LAMC2: variants seen among roughly 807,000 people sequenced by gnomAD.
LAMC2 encodes the protein laminin subunit gamma 2.
Under a neutral mutation model 140.2 loss-of-function variants are expected in LAMC2, and 97 were observed. The ratio of observed to expected loss-of-function variants is 0.69; its 90% CI spans 0.59 to 0.82. The LOEUF (loss-of-function observed/expected upper bound fraction) is 0.82. Among genes scored for constraint, LAMC2 ranks in the 40% least tolerant of loss-of-function variants. The pLI, the probability that LAMC2 is intolerant of heterozygous loss-of-function variation, is 0.00. For synonymous variants in LAMC2, 513 were observed against 540.2 expected, an observed-to-expected ratio of 0.95 and a Z score of 0.70; for missense variants, 1,402 against 1,476.1, an observed-to-expected ratio of 0.95 and a Z score of 0.82.
the LAMC2 span, among the ~76,000 whole-genome samples, chr1:183,255,156 C>A: frequency 8.5e-5 from 13 of 152,146 alleles, no homozygotes; most frequent in Non-Finnish European, 1.8e-4. Flanking sequence ...TTTCCAGCAC[C>A]ATCTATTGAA....
chr1:183,203,298 G>A (rs1297811342), intron 1 of LAMC2, among the ~76,000 whole-genome samples: 2 of 152,160 alleles, frequency 1.3e-5, no homozygotes, highest in Non-Finnish European at 2.9e-5. Context: ...ACCACTTCCT[G>A]TTGCCTTACT....
intron 2 of LAMC2, among the ~76,000 whole-genome samples, chr1:183,208,740 T>C (rs1298612385): frequency 6.6e-6 from 1 of 152,126 alleles, no homozygotes; most frequent in African/African-American, 2.4e-5. Flanking sequence ...AGTGCAGTGG[T>C]GCCATCTCGG....
chr1:183,232,991 T>C, intron 14 of LAMC2, 134 bp downstream of exon 14: 1 of 833,008 alleles, frequency 1.2e-6, no homozygotes, highest in Admixed American at 2.0e-5. Context: ...TTGTTGGACT[T>C]CTTTTCCTTG....
At chr1:183,198,308 A>T (rs1327305221) in intron 1 of LAMC2, among the ~76,000 whole-genome samples, 1 of 151,580 alleles carries the variant, frequency 6.6e-6, no homozygotes, top group Non-Finnish European at 1.5e-5. Flanking sequence ...CACCCGGCTA[A>T]TTTTTTTGTG....
At chr1:183,250,701 C>A in the LAMC2 span, 1 of 152,558 alleles carries the variant, frequency 6.6e-6, no homozygotes, top group Non-Finnish European at 1.5e-5. Context: ...ATTTCATGAT[C>A]CCTAGTCAAA....
intron 1 of LAMC2, among the ~76,000 whole-genome samples, chr1:183,207,360 CAT>C (rs1658916834): frequency 6.6e-6 from 1 of 150,532 alleles, no homozygotes; most frequent in Admixed American, 6.7e-5. Flanking sequence ...TGGGAGGAGA[CAT>C]GTGCCCAGAC....
Position 183,195,801 on chromosome 1 carries a change from C to T in LAMC2, c.79+9370C>T, listed in dbSNP as rs549499663. Reference sequence around the variant, plus strand: ...ACACATTAAACAATGAAGTTCAAGGCCAGTTTAAATGATGAAGGATTCAGA... The same window carrying T: ...ACACATTAAACAATGAAGTTCAAGGTCAGTTTAAATGATGAAGGATTCAGA... On this transcript the variant is annotated intron_variant, in intron 1 of 22. Coordinates refer to ENST00000264144, the MANE Select transcript of LAMC2 (RefSeq NM_005562.3). 3.9e-5 allele frequency among the ~76,000 whole-genome samples: 3 copies of T among 77,134 alleles called. No individual in the cohort carries two copies. In the East Asian group the frequency reaches 1.8e-3, roughly 46 times the overall value. The allele number at this position is 77,134 out of a possible 152,430, so 50.6% of individuals were successfully genotyped here. A position where few individuals can be genotyped will look rare whatever the true frequency, so the allele number is the denominator to read the frequency against.
chr1:183,235,488 C>G (rs1188655543), intron 15 of LAMC2, 87 bp from the exon 16 acceptor site: 1 of 1,444,264 alleles, frequency 6.9e-7, no homozygotes, highest in Admixed American at 1.8e-5. Context: ...GACCAGCTCC[C>G]GTACTCTTTG....
intron 2 of LAMC2, among the ~76,000 whole-genome samples, chr1:183,214,012 AG>A (rs777338435): frequency 6.6e-6 from 1 of 151,162 alleles, no homozygotes; most frequent in Non-Finnish European, 1.5e-5. Flanking sequence ...TTGCTGACCT[AG>A]GCAACAGGAG....
In LAMC2 at chr1:183,228,297, T is replaced by G. The variant is rs1659692051; in HGVS notation, c.1469-77T>G. 6.3e-7 allele frequency: 1 copy of G among 1,593,850 alleles called. No individual in the cohort carries two copies. Among genetic ancestry groups the G allele is most frequent in the Non-Finnish European group, 8.6e-7 (1 of 1,162,570 alleles). ...TTCTCTGGCTCTTCTAGAGGGTGAC[T>G]CGCAACTTTAGGCCTCTGCGTCTGG... On this transcript the variant is annotated intron_variant, in intron 10 of 22. Transcript: ENST00000264144. The surrounding 1 kb of genome is among the most constrained non-coding windows in gnomAD (Gnocchi z 4.3).
At chr1:183,258,215 C>T in the LAMC2 span, among the ~76,000 whole-genome samples, 1 of 152,280 alleles carries the variant, frequency 6.6e-6, no homozygotes, top group Admixed American at 6.5e-5. Context: ...CTGTTCTCTC[C>T]TAACACAATA....
At position 183,243,169 on chromosome 1, in the gene LAMC2, A is replaced by G; in HGVS notation, c.3351A>G (p.Glu1117=). 6.4e-7 allele frequency: 1 copy of G among 1,559,652 alleles called. No homozygotes were observed. The highest frequency in any genetic ancestry group is 1.2e-5 in the South Asian group (1 of 85,968). Reference sequence around the variant, plus strand: ...TAGACCAGCCTCTCAGTGTAGATGAAGAGGGGCTGGTCTTACTGGAGCAGA... The same window carrying G: ...TAGACCAGCCTCTCAGTGTAGATGAGGAGGGGCTGGTCTTACTGGAGCAGA... The part of the protein sequence containing the change: ...HLMDQPLSVD[E]EGLVLLEQKL... The change falls in exon 23 of 23, where the codon GAA becomes GAG. Residue 1117 remains glutamate, a synonymous_variant. Coordinates refer to ENST00000264144, the MANE Select transcript of LAMC2 (RefSeq NM_005562.3).
chr1:183,218,337 A>C (rs1659343750), intron 3 of LAMC2, 53 bp from the exon 4 acceptor site: 1 of 1,366,882 alleles, frequency 7.3e-7, no homozygotes, highest in Non-Finnish European at 1.0e-6. Context: ...TTATGTGCAT[A>C]GTTGTGAAGC....
At chr1:183,254,248 G>T in the LAMC2 span, among the ~76,000 whole-genome samples, 2 of 152,114 alleles carry the variant, frequency 1.3e-5, no homozygotes. Flanking sequence ...ATCGACATTT[G>T]TTATCTCTTA....
chr1:183,245,283 A>G (rs1245044908), downstream of LAMC2, among the ~76,000 whole-genome samples: 1 of 152,230 alleles, frequency 6.6e-6, no homozygotes, highest in Non-Finnish European at 1.5e-5. Flanking sequence ...TTGGTCATCT[A>G]CGCAAGCGGC....
At position 183,227,691 on chromosome 1, in the gene LAMC2, G is replaced by T. The variant is rs1227294729; in HGVS notation, c.1462G>T (p.Val488Phe). 6.2e-7 allele frequency: 1 copy of T among 1,614,164 alleles called. No homozygotes were observed. Among genetic ancestry groups the T allele is most frequent in the Non-Finnish European group, 8.5e-7 (1 of 1,180,026 alleles). ...EVVCNNCPPG[V>F]TGARCELCAD... ...GGTGTGCAATAACTGCCCTCCCGGGGTCACCGGTAAGGCCATGGGTCTGCT... is the reference window on the plus strand; with the variant it reads ...GGTGTGCAATAACTGCCCTCCCGGGTTCACCGGTAAGGCCATGGGTCTGCT... Residue 488 changes from valine to phenylalanine, a missense_variant, in exon 10 of 23, where the codon GTC (valine) becomes TTC (phenylalanine). Physicochemically the swap from Val to Phe is conservative, Grantham distance 50 (BLOSUM62 -1). Around this residue, in one of 3 missense-constraint regions of LAMC2, gnomAD observed 723 missense variants for 783.3 expected, o/e 0.92. Coordinates refer to ENST00000264144, the MANE Select transcript of LAMC2 (RefSeq NM_005562.3).
intron 7 of LAMC2, among the ~76,000 whole-genome samples, chr1:183,224,543 A>G (rs1486532179): frequency 1.3e-5 from 2 of 152,210 alleles, no homozygotes; most frequent in African/African-American, 4.8e-5. Flanking sequence ...ATCAGAACAC[A>G]TTCAGAGTGG....
downstream of LAMC2, among the ~76,000 whole-genome samples, chr1:183,247,348 A>G (rs887130009): frequency 2.6e-4 from 39 of 152,312 alleles, no homozygotes; most frequent in African/African-American, 8.4e-4. Context: ...CTCAAAGCAA[A>G]GAAATGAGAT....
chr1:183,233,792 G>A (rs898812890), intron 14 of LAMC2, among the ~76,000 whole-genome samples: 2 of 149,280 alleles, frequency 1.3e-5, no homozygotes, highest in Non-Finnish European at 1.5e-5. Flanking sequence ...TGTTGTTTTG[G>A]ATTTTTTTAT....
Sources: gnomAD v4.1 joint callset for allele counts (sites outside exome capture counted in the v4.1 genomes callset) on GRCh38, gnomAD v4.1.1 for gene constraint, gnomAD v4.1.1 regional missense constraint, Gnocchi (gnomAD v3.1) non-coding constraint, MANE v1.5 for transcripts, NCBI Gene and HGNC (gene_info 2026-07-23, HGNC 2026-07-21) for gene names.